EYS: variants seen among roughly 807,000 people sequenced by gnomAD.
EYS encodes the protein EGF-like photoreceptor maintenance factor, also known as protein eyes shut homolog.
In EYS, 250 loss-of-function variants were observed where a neutral mutation model predicts 282.1. That is an observed-to-expected ratio of 0.89 (90% CI 0.80 to 0.98). The LOEUF is 0.98. Among genes scored for constraint, EYS ranks in the 50% least tolerant of loss-of-function variants. The pLI is 0.00. For synonymous variants in EYS, 1,355 were observed against 1,282.9 expected (o/e 1.06, Z -1.20); for missense variants, 4,016 against 3,709.0 (o/e 1.08, Z -2.15).
At chr6:63,834,393 G>A (rs2067437311) in intron 36 of EYS, among the ~76,000 whole-genome samples, 2 of 152,030 alleles carry the variant, frequency 1.3e-5, no homozygotes, top group African/African-American at 4.8e-5. Context: ...GTGGGTGAAG[G>A]ATATGAACAG....
intron 34 of EYS, among the ~76,000 whole-genome samples, chr6:63,993,352 A>G (rs1158499346): frequency 2.0e-5 from 3 of 151,752 alleles, no homozygotes; most frequent in African/African-American, 4.8e-5. Flanking sequence ...GCATCCAAAT[A>G]AGAAATAAAG....
At chr6:64,821,906 G>A (rs1293651241) in intron 20 of EYS, among the ~76,000 whole-genome samples, 183 bp from the exon 21 acceptor site, 1 of 151,864 alleles carries the variant, frequency 6.6e-6, no homozygotes, top group Non-Finnish European at 1.5e-5. Flanking sequence ...TGAAAAAACG[G>A]ATCAATTTTC....
chr6:64,991,512 A>G (rs975472300), intron 14 of EYS, among the ~76,000 whole-genome samples: 5 of 151,632 alleles, frequency 3.3e-5, no homozygotes, highest in Non-Finnish European at 5.9e-5. Context: ...TATTTTTAAT[A>G]TGCTCATAAT....
At chr6:65,070,898 G>A (rs1427012629) in intron 12 of EYS, among the ~76,000 whole-genome samples, 1 of 151,706 alleles carries the variant, frequency 6.6e-6, no homozygotes, top group East Asian at 1.9e-4. Flanking sequence ...TAAAAGCATA[G>A]TATAATAATA....
At chr6:64,187,646 C>T (rs1764986904) in intron 31 of EYS, among the ~76,000 whole-genome samples, 1 of 152,174 alleles carries the variant, frequency 6.6e-6, no homozygotes, top group South Asian at 2.1e-4. Flanking sequence ...AATAATCACA[C>T]ATTGCATGTA....
chr6:63,859,589 G>A (rs916452605), intron 36 of EYS, among the ~76,000 whole-genome samples: 2 of 151,410 alleles, frequency 1.3e-5, no homozygotes, highest in African/African-American at 4.9e-5. Flanking sequence ...AAAAAAACCT[G>A]GGCTGGGCTT....
At chr6:65,493,437 T>G (rs977661101) in intron 4 of EYS, among the ~76,000 whole-genome samples, 1 of 152,228 alleles carries the variant, frequency 6.6e-6, no homozygotes, top group Non-Finnish European at 1.5e-5. Flanking sequence ...TTATCAGCTG[T>G]GTCAAATATT....
chr6:65,090,578 A>T (rs1774529963), intron 12 of EYS, among the ~76,000 whole-genome samples: 1 of 152,156 alleles, frequency 6.6e-6, no homozygotes, highest in Admixed American at 6.6e-5. Flanking sequence ...TGCATATAGT[A>T]TGTTTTTATT....
intron 36 of EYS, among the ~76,000 whole-genome samples, chr6:63,844,467 C>T (rs956378132): frequency 1.3e-5 from 2 of 152,144 alleles, no homozygotes; most frequent in South Asian, 4.1e-4. Context: ...TTTACATTCC[C>T]GCCCACAGTG....
chr6:63,914,199 A>G (rs1348042121), intron 35 of EYS, among the ~76,000 whole-genome samples: 1 of 152,184 alleles, frequency 6.6e-6, no homozygotes, highest in Non-Finnish European at 1.5e-5. Context: ...TAACCCTACA[A>G]TGACCTCTAA....
intron 19 of EYS, among the ~76,000 whole-genome samples, chr6:64,873,383 C>A (rs1434577326): frequency 1.3e-5 from 2 of 151,974 alleles, no homozygotes; most frequent in Non-Finnish European, 1.5e-5. Context: ...GGGGACACAG[C>A]CAAATCATAT....
intron 19 of EYS, among the ~76,000 whole-genome samples, chr6:64,841,303 G>C (rs1032907642): frequency 6.6e-6 from 1 of 152,008 alleles, no homozygotes; most frequent in South Asian, 2.1e-4. Flanking sequence ...GCAAATAAAT[G>C]TAATTACAAT....
intron 13 of EYS, among the ~76,000 whole-genome samples, chr6:65,005,982 T>TA (rs1771636605): frequency 6.6e-6 from 1 of 152,156 alleles, no homozygotes; most frequent in African/African-American, 2.4e-5. Flanking sequence ...TAGGTACTAA[T>TA]GGTTCAGACT....
chr6:64,674,365 A>T (rs1290758220), intron 22 of EYS, among the ~76,000 whole-genome samples: 1 of 150,162 alleles, frequency 6.7e-6, no homozygotes, highest in Non-Finnish European at 1.5e-5. Context: ...AAGTGTGTCC[A>T]TTTTTTTTTC....
At position 64,796,661 on chromosome 6, in the gene EYS, A is replaced by G. The variant is rs990721328; in HGVS notation, c.3443+16717T>C. 6.6e-5 allele frequency among the ~76,000 whole-genome samples: 10 copies of G among 152,262 alleles called. No homozygotes were observed. The South Asian group carries it at 1.9e-3, about 28-fold the overall frequency. ...CAGACGCTATATTCTGAGGTATCCA[A>G]ACTTCCATATTTGGTCAAGTACTGT... On this transcript the variant is annotated intron_variant, in intron 22 of 42. Coordinates refer to ENST00000503581, the MANE Select transcript of EYS (RefSeq NM_001142800.2).
At chr6:65,615,079 G>A (rs1766137318) in intron 2 of EYS, among the ~76,000 whole-genome samples, 1 of 152,120 alleles carries the variant, frequency 6.6e-6, no homozygotes, top group Non-Finnish European at 1.5e-5. Context: ...CATCGTGTTT[G>A]CTATTTCAAA....
intron 8 of EYS, among the ~76,000 whole-genome samples, chr6:65,355,916 T>C (rs1562118347): frequency 6.6e-6 from 1 of 152,186 alleles, no homozygotes; most frequent in East Asian, 1.9e-4. Flanking sequence ...GAAAATCGTA[T>C]GGGAATTTCT....
At chr6:65,214,639 A>G (rs1766266411) in intron 12 of EYS, among the ~76,000 whole-genome samples, 1 of 152,250 alleles carries the variant, frequency 6.6e-6, no homozygotes, top group South Asian at 2.1e-4. Context: ...TACACTAAAC[A>G]ACAAATGTTC....
chr6:64,093,611 C>T (rs553233830), intron 31 of EYS, among the ~76,000 whole-genome samples: 52 of 152,058 alleles, frequency 3.4e-4, no homozygotes, highest in Non-Finnish European at 6.0e-4. Context: ...TTTAGTATCC[C>T]GAGACTTTGT....
Sources: gnomAD v4.1 joint callset for allele counts (sites outside exome capture counted in the v4.1 genomes callset) on GRCh38, gnomAD v4.1.1 for gene constraint, MANE v1.5 for transcripts, NCBI Gene and HGNC (gene_info 2026-07-23, HGNC 2026-07-21) for gene names.